Variants in EIF2S1 observed in about 807,000 individuals in gnomAD.
The protein encoded by EIF2S1 is eukaryotic translation initiation factor 2 subunit 1.
In EIF2S1, 5 loss-of-function variants were observed where a neutral mutation model predicts 33.5. The ratio of observed to expected loss-of-function variants is 0.15; its 90% CI spans 0.08 to 0.31. The LOEUF (loss-of-function observed/expected upper bound fraction) is 0.31. Among genes scored for constraint, EIF2S1 ranks in the 10% least tolerant of loss-of-function variants. The pLI is 1.00. For missense variants in EIF2S1, 191 were observed against 384.6 expected (o/e 0.50, Z 4.21); for synonymous variants, 99 against 127.5 (o/e 0.78, Z 1.51).
At chr14:67,380,978 C>G (rs538836209) in intron 5 of EIF2S1, among the ~76,000 whole-genome samples, 20 of 152,272 alleles carry the variant, frequency 1.3e-4, no homozygotes, top group Non-Finnish European at 2.8e-4. Context: ...GTGAGTTCAG[C>G]TAACCTAAAG....
chr14:67,376,243 A>G (rs1356131108), intron 3 of EIF2S1, among the ~76,000 whole-genome samples, 196 bp from the exon 4 acceptor site: 1 of 152,178 alleles, frequency 6.6e-6, no homozygotes, highest in African/African-American at 2.4e-5. Flanking sequence ...TACTGTCAAG[A>G]CTTGATCCAG....
intron 1 of EIF2S1, chr14:67,364,225 G>C (rs1176770366): frequency 6.6e-6 from 1 of 152,086 alleles, no homozygotes; most frequent in Non-Finnish European, 1.5e-5. Flanking sequence ...AATTTTTTTA[G>C]TTTTTGTTGT....
chr14:67,383,597 C>T lies in EIF2S1; in HGVS notation c.*157C>T, dbSNP rs1294568989. 1.9e-6 allele frequency: 2 copies of T among 1,079,702 alleles called. No homozygotes were observed. The highest frequency in any genetic ancestry group is 2.1e-5 in the Admixed American group (1 of 47,326). The allele number at this position is 1,079,702 out of a possible 1,614,324, so 66.9% of individuals were successfully genotyped here. On this transcript the variant is annotated 3_prime_UTR_variant, in exon 8 of 8. Transcript: ENST00000256383. ...TCTAACAGATCAGAACATGAAATGCCCTCCTAAATGTCAGCTGTTGTCACA... is the reference window on the plus strand; with the variant it reads ...TCTAACAGATCAGAACATGAAATGCTCTCCTAAATGTCAGCTGTTGTCACA...
intron 2 of EIF2S1, among the ~76,000 whole-genome samples, chr14:67,370,080 G>A (rs8016623): frequency 0.16 from 23,669 of 152,246 alleles, 3,486 homozygotes; most frequent in East Asian, 0.42. Flanking sequence ...GGGATGGGCC[G>A]AATTAATTGC....
intron 4 of EIF2S1, among the ~76,000 whole-genome samples, chr14:67,380,203 T>C (rs1032355482): frequency 2.0e-5 from 3 of 152,236 alleles, no homozygotes; most frequent in Admixed American, 2.0e-4. Context: ...CCTGTGGCAC[T>C]TAGGAGGGTC....
chr14:67,385,794 TC>T lies in EIF2S1; in HGVS notation c.*2355del, dbSNP rs1328793427. The T allele has an allele frequency of 1.3e-5, 2 of 151,802 alleles. No individual in the cohort carries two copies. The highest frequency in any genetic ancestry group is 2.9e-5 in the Non-Finnish European group (2 of 67,986). 9.4% of individuals were successfully genotyped at this position (151,802 alleles called of 1,614,324 possible). On this transcript the variant is annotated 3_prime_UTR_variant, in exon 8 of 8. Transcript: ENST00000256383. ...TGCCCCACCCAAACCATTTTTCATA[TC>T]AGTTATAGCAAAACAAGACAAACCA...
At chr14:67,360,620 C>G (rs2085729371) in intron 1 of EIF2S1, 164 bp downstream of exon 1, 3 of 167,228 alleles carry the variant, frequency 1.8e-5, no homozygotes, top group Admixed American at 6.4e-5. Context: ...CGTGGGCCTC[C>G]TCGCCGGCTC....
In EIF2S1 at chr14:67,380,781, A is replaced by C; in HGVS notation, c.580+16A>C. The stretch of plus-strand genomic sequence containing the variant: ...ATTCGAGCAGGTAAATGATTTTTTA[A>C]ATGATTTTTACAGTATTTTGCATGC... On this transcript the variant is annotated intron_variant, in intron 5 of 7. Transcript: ENST00000256383. The C allele has an allele frequency of 7.0e-7, 1 of 1,430,748 alleles. No individual in the cohort carries two copies. Among genetic ancestry groups the C allele is most frequent in the South Asian group, 1.4e-5 (1 of 69,320 alleles). The allele number at this position is 1,430,748 out of a possible 1,614,324, so 88.6% of individuals were successfully genotyped here.
chr14:67,361,431 T>C (rs1264315019), intron 1 of EIF2S1, among the ~76,000 whole-genome samples: 1 of 152,226 alleles, frequency 6.6e-6, no homozygotes, highest in African/African-American at 2.4e-5. Context: ...ACTTTCTTTT[T>C]CAACTATAAT....
At chr14:67,373,441 A>G (rs999758616) in intron 2 of EIF2S1, among the ~76,000 whole-genome samples, 1 of 152,236 alleles carries the variant, frequency 6.6e-6, no homozygotes, top group Non-Finnish European at 1.5e-5. Context: ...GGCATTTGAC[A>G]AAATTTGTCA....
At chr14:67,373,083 T>A (rs1595647103) in intron 2 of EIF2S1, among the ~76,000 whole-genome samples, 1 of 152,194 alleles carries the variant, frequency 6.6e-6, no homozygotes, top group African/African-American at 2.4e-5. Flanking sequence ...TCCACATTGC[T>A]CATGGGAATG....
rs2085916985 is a variant in EIF2S1 at position 67,385,526 on chromosome 14, CT to C, written c.*2089del. ...CAATTTCATCTACTCCCTACTGTAC[CT>C]TTCACTGATGTCAAGTGGCTATCAA... On this transcript the variant is annotated 3_prime_UTR_variant, in exon 8 of 8. Coordinates refer to ENST00000256383, the MANE Select transcript of EIF2S1 (RefSeq NM_004094.5). 1 of 151,910 alleles carries C rather than the reference CT, an allele frequency of 6.6e-6. No homozygotes were observed. Among genetic ancestry groups the C allele is most frequent in the South Asian group, 2.1e-4 (1 of 4,828 alleles). 9.4% of individuals were successfully genotyped at this position (151,910 alleles called of 1,614,324 possible). A position where few individuals can be genotyped will look rare whatever the true frequency, so the allele number is the denominator to read the frequency against.
rs1302040702 is a variant in EIF2S1 at position 67,385,008 on chromosome 14, T to C, written c.*1568T>C. On this transcript the variant is annotated 3_prime_UTR_variant, in exon 8 of 8. Transcript: ENST00000256383. Reference sequence around the variant, plus strand: ...TGATTTTGTTTACTGAAATTTGTTATACTTCAAAAGCCATAACTTGAAAAA... The same window carrying C: ...TGATTTTGTTTACTGAAATTTGTTACACTTCAAAAGCCATAACTTGAAAAA... 1 of 152,250 alleles carries C rather than the reference T, an allele frequency of 6.6e-6. No homozygotes were observed. The highest frequency in any genetic ancestry group is 6.5e-5 in the Admixed American group (1 of 15,288). The allele number at this position is 152,250 out of a possible 1,614,324, so 9.4% of individuals were successfully genotyped here.
intron 2 of EIF2S1, among the ~76,000 whole-genome samples, chr14:67,366,712 A>G (rs2141130048): frequency 6.6e-6 from 1 of 152,344 alleles, no homozygotes; most frequent in South Asian, 2.1e-4. Flanking sequence ...GTCCTCCTAG[A>G]CAAGCCTTTC....
rs776114333 is a variant in EIF2S1, at chr14:67,364,738, C to G, written c.-1-29C>G. 35 of 1,586,866 alleles carry G rather than the reference C, an allele frequency of 2.2e-5. 1 individual carries two copies. The South Asian group carries it at 3.4e-4, about 15-fold the overall frequency. On this transcript the variant is annotated intron_variant, in intron 1 of 7. Transcript: ENST00000256383. Reference sequence around the variant, plus strand: ...TTTTTATTTTCACCTTAACTGAATACTTACTTAATTCTTTTGTTTAAATTG... The same window carrying G: ...TTTTTATTTTCACCTTAACTGAATAGTTACTTAATTCTTTTGTTTAAATTG...
intron 4 of EIF2S1, among the ~76,000 whole-genome samples, chr14:67,378,610 A>T (rs1441980989): frequency 6.6e-6 from 1 of 152,126 alleles, no homozygotes; most frequent in Admixed American, 6.5e-5. Flanking sequence ...TCCTCAGTAC[A>T]TTTCTTAACT....
At chr14:67,372,655 C>T (rs2085830522) in intron 2 of EIF2S1, among the ~76,000 whole-genome samples, 1 of 151,848 alleles carries the variant, frequency 6.6e-6, no homozygotes, top group African/African-American at 2.4e-5. Flanking sequence ...ATGGTGAAAC[C>T]CCGTCTCTAC....
chr14:67,372,211 T>A (rs2085826935), intron 2 of EIF2S1, among the ~76,000 whole-genome samples: 1 of 152,192 alleles, frequency 6.6e-6, no homozygotes. Flanking sequence ...AAAGAAAAAA[T>A]TATCTTTTTA....
Position 67,380,645 on chromosome 14 carries a change from A to G in EIF2S1, c.474-14A>G, listed in dbSNP as rs772815931. ...AACCTTGACCTTTTGTTATTTATTT[A>G]TGTTTTTGACCAGAGACCCATCTAT... On this transcript the variant is annotated splice_polypyrimidine_tract_variant and intron_variant, in intron 4 of 7. Transcript: ENST00000256383. 4.3e-6 allele frequency: 6 copies of G among 1,411,372 alleles called. No homozygotes were observed. Among genetic ancestry groups the G allele is most frequent in the African/African-American group, 1.5e-5 (1 of 67,518 alleles). 87.4% of individuals were successfully genotyped at this position (1,411,372 alleles called of 1,614,324 possible).
Sources: allele counts gnomAD v4.1 joint callset (sites outside exome capture counted in the v4.1 genomes callset), GRCh38; gene constraint gnomAD v4.1.1; transcripts MANE v1.5; gene names NCBI Gene and HGNC (gene_info 2026-07-23, HGNC 2026-07-21).